The following ARMC9 variants were observed in gnomAD, a reference collection of about 807,000 sequenced individuals.
ARMC9 encodes lisH domain-containing protein ARMC9.
In ARMC9, 94 loss-of-function variants were observed where a neutral mutation model predicts 107.0. The observed-to-expected ratio is 0.88, with a 90% CI of 0.74 to 1.04. The LOEUF (loss-of-function observed/expected upper bound fraction) is 1.04, where lower values mean the gene tolerates loss of function less well. ARMC9 is among the 50% of genes least tolerant of loss of function. The pLI is 0.00. For missense variants in ARMC9, 942 were observed against 1,030.1 expected, an observed-to-expected ratio of 0.91 and a Z score of 1.17; for synonymous variants, 380 against 396.9, an observed-to-expected ratio of 0.96 and a Z score of 0.51.
At chr2:231,273,726 T>A (rs909202074) in intron 14 of ARMC9, among the ~76,000 whole-genome samples, 2 of 152,176 alleles carry the variant, frequency 1.3e-5, no homozygotes. Context: ...CGTAGGTTCC[T>A]TTTTAGTTTA....
In ARMC9 at chr2:231,353,377, G is replaced by C. The variant is rs1250703867; in HGVS notation, c.1995-2421G>C. Among the ~76,000 whole-genome samples the C allele has an allele frequency of 4.8e-5, 6 of 124,392 alleles. 2 individuals carry two copies. The highest frequency in any genetic ancestry group is 3.2e-4 in the African/African-American group (6 of 18,502). The allele number at this position is 124,392 out of a possible 152,430, so 81.6% of individuals were successfully genotyped here. ...ATTTTTTTGTATTTTTAGTAGAGAC[G>C]GGGTTTCACTGTGTTAGGATGGTCT... On this transcript the variant is annotated intron_variant, in intron 21 of 24. Transcript: ENST00000611582.
intron 7 of ARMC9, among the ~76,000 whole-genome samples, chr2:231,227,379 C>T (rs2034747453): frequency 6.6e-6 from 1 of 152,198 alleles, no homozygotes; most frequent in African/African-American, 2.4e-5. Context: ...GGGCGCTGTA[C>T]CTCAGTTTTG....
intron 1 of ARMC9, among the ~76,000 whole-genome samples, chr2:231,205,738 A>G (rs2031878768): frequency 6.6e-6 from 1 of 152,244 alleles, no homozygotes; most frequent in South Asian, 2.1e-4. Context: ...AATGGCTTTC[A>G]CTGAGCTGAA....
intron 19 of ARMC9, among the ~76,000 whole-genome samples, chr2:231,328,956 A>G (rs1035271261): frequency 1.3e-5 from 2 of 151,444 alleles, no homozygotes; most frequent in East Asian, 1.9e-4. Flanking sequence ...CTGGGACTAC[A>G]GGAACCCACC....
chr2:231,260,876 A>G (rs935423783), intron 11 of ARMC9, among the ~76,000 whole-genome samples: 2 of 152,100 alleles, frequency 1.3e-5, no homozygotes, highest in African/African-American at 4.8e-5. Flanking sequence ...ACAGGTTTCT[A>G]ATGTTTTTGT....
In ARMC9 at chr2:231,271,574, A is replaced by G. The variant is rs903009398; in HGVS notation, c.1210+502A>G. On this transcript the variant is annotated intron_variant, in intron 13 of 24. Transcript: ENST00000611582. The stretch of plus-strand genomic sequence containing the variant: ...ATTTAAAATGATTTTGCAAAGTGCC[A>G]TTATCTTCCGTAAGTTCTTATTTAT... 5.9e-5 allele frequency among the ~76,000 whole-genome samples: 9 copies of G among 152,330 alleles called. No individual in the cohort carries two copies. The East Asian group carries it at 1.4e-3, about 23-fold the overall frequency.
chr2:231,265,714 AAG>A (rs2038798847), intron 12 of ARMC9, among the ~76,000 whole-genome samples: 1 of 151,786 alleles, frequency 6.6e-6, no homozygotes, highest in African/African-American at 2.4e-5. Flanking sequence ...AAAAAAAAAA[AAG>A]AAGAAATAGG....
chr2:231,260,898 T>C (rs917416682), intron 11 of ARMC9, among the ~76,000 whole-genome samples: 2 of 152,116 alleles, frequency 1.3e-5, no homozygotes, highest in African/African-American at 4.8e-5. Context: ...TGTGTCCCCC[T>C]CCAGTGCCCC....
rs1038221252 is a variant in ARMC9, at chr2:231,360,949, G to C, written c.2261+66G>C. Reference sequence around the variant, plus strand: ...GCTCTGGGAGTGGGCGCCCCACGCCGGATGCAGAGCACCCAGGAGACCTGG... The same window carrying C: ...GCTCTGGGAGTGGGCGCCCCACGCCCGATGCAGAGCACCCAGGAGACCTGG... On this transcript the variant is annotated intron_variant, in intron 23 of 24. Coordinates refer to ENST00000611582, the MANE Select transcript of ARMC9 (RefSeq NM_001352754.2). The surrounding 1 kb of genome is among the most constrained non-coding windows in gnomAD (Gnocchi z 4.7). The C allele has an allele frequency of 3.4e-5, 50 of 1,457,158 alleles. No individual in the cohort carries two copies. The highest frequency in any genetic ancestry group is 1.0e-4 in the Admixed American group (4 of 38,674). The allele number at this position is 1,457,158 out of a possible 1,614,324, so 90.3% of individuals were successfully genotyped here.
At chr2:231,289,635 G>A (rs1354296844) in intron 17 of ARMC9, among the ~76,000 whole-genome samples, 1 of 152,174 alleles carries the variant, frequency 6.6e-6, no homozygotes, top group Non-Finnish European at 1.5e-5. Flanking sequence ...CAGGGCCAAG[G>A]CAGTCATTGG....
intron 16 of ARMC9, 139 bp from the exon 17 acceptor site, chr2:231,281,920 C>A: frequency 1.3e-6 from 1 of 750,506 alleles, no homozygotes; most frequent in Non-Finnish European, 2.3e-6. Flanking sequence ...AAACATACAT[C>A]CTGGAGCACA....
chr2:231,248,220 C>T (rs1177658098), intron 9 of ARMC9, among the ~76,000 whole-genome samples: 1 of 152,208 alleles, frequency 6.6e-6, no homozygotes, highest in Non-Finnish European at 1.5e-5. Context: ...AGCTTCCTCC[C>T]TCCCTGCCCA....
At chr2:231,283,147 A>G (rs1396399745) in intron 17 of ARMC9, among the ~76,000 whole-genome samples, 1 of 152,058 alleles carries the variant, frequency 6.6e-6, no homozygotes, top group Non-Finnish European at 1.5e-5. Flanking sequence ...GCCCTTAGAG[A>G]TCCCAGAGCA....
At chr2:231,218,879 G>A (rs1007044712) in intron 5 of ARMC9, among the ~76,000 whole-genome samples, 1 of 151,950 alleles carries the variant, frequency 6.6e-6, no homozygotes, top group African/African-American at 2.4e-5. Context: ...AGGCTCCTGA[G>A]TAGCTGGGAT....
At chr2:231,325,061 C>G (rs2043237450) in intron 19 of ARMC9, among the ~76,000 whole-genome samples, 1 of 151,934 alleles carries the variant, frequency 6.6e-6, no homozygotes, top group African/African-American at 2.4e-5. Flanking sequence ...CTGTCTCTAC[C>G]AAAAATACAA....
intron 9 of ARMC9, among the ~76,000 whole-genome samples, chr2:231,243,456 A>G (rs2036484148): frequency 6.6e-6 from 1 of 152,182 alleles, no homozygotes; most frequent in Non-Finnish European, 1.5e-5. Flanking sequence ...GCACGGTTTA[A>G]AAAGGAGCAG....
At chr2:231,244,245 G>A (rs899593527) in intron 9 of ARMC9, among the ~76,000 whole-genome samples, 3 of 152,184 alleles carry the variant, frequency 2.0e-5, no homozygotes, top group South Asian at 4.2e-4. Flanking sequence ...CCATTAAATC[G>A]AGCCCTTCTT....
In ARMC9 at chr2:231,216,756, A is replaced by G. The variant is rs1485034691; in HGVS notation, c.467A>G (p.Asn156Ser). ...LPFYALPFVPNPMVHPSFKEL... is the reference protein window; with the variant it reads ...LPFYALPFVPSPMVHPSFKEL... ...TTCTATGCCCTTCCTTTTGTTCCCA[A>G]CCCTATGGTGCACCCCTCATTTAAA... Residue 156 changes from asparagine (N) to serine (S), a missense_variant, in exon 5 of 25, where the codon AAC (asparagine) becomes AGC (serine). Coordinates refer to ENST00000611582, the MANE Select transcript of ARMC9 (RefSeq NM_001352754.2). The G allele has an allele frequency of 1.2e-6, 2 of 1,614,012 alleles. No homozygotes were observed. The highest frequency in any genetic ancestry group is 2.2e-5 in the East Asian group (1 of 44,876).
intron 19 of ARMC9, among the ~76,000 whole-genome samples, chr2:231,299,539 A>T (rs750996253): frequency 1.3e-5 from 2 of 152,202 alleles, no homozygotes; most frequent in Non-Finnish European, 2.9e-5. Context: ...ATGGAGCAAA[A>T]GCGAAATGAA....
Sources: gnomAD v4.1 joint callset for allele counts (sites outside exome capture counted in the v4.1 genomes callset) on GRCh38, gnomAD v4.1.1 for gene constraint, Gnocchi (gnomAD v3.1) non-coding constraint, MANE v1.5 for transcripts, NCBI Gene and HGNC (gene_info 2026-07-23, HGNC 2026-07-21) for gene names.